TFAP2D: variants seen among roughly 807,000 people sequenced by gnomAD.
The protein encoded by TFAP2D is transcription factor AP-2 delta.
Under a neutral mutation model 43.6 loss-of-function variants are expected in TFAP2D, and 9 were observed. The observed-to-expected ratio is 0.21, with a 90% CI of 0.12 to 0.36. The LOEUF (loss-of-function observed/expected upper bound fraction) is 0.36. Among genes scored for constraint, TFAP2D ranks in the 10% least tolerant of loss-of-function variants. TFAP2D has a pLI of 1.00. For synonymous variants in TFAP2D, 256 were observed against 224.9 expected (o/e 1.14, Z -1.24); for missense variants, 513 against 561.4 (o/e 0.91, Z 0.87).
intron 6 of TFAP2D, among the ~76,000 whole-genome samples, chr6:50,749,995 G>A (rs1769179238): frequency 6.6e-6 from 1 of 151,800 alleles, no homozygotes; most frequent in Non-Finnish European, 1.5e-5. Context: ...TTTGAACACT[G>A]GCATTAAACC....
At chr6:50,719,018 A>C in intron 2 of TFAP2D, 72 bp from the exon 3 acceptor site, 1 of 1,470,810 alleles carries the variant, frequency 6.8e-7, no homozygotes, top group Non-Finnish European at 9.4e-7. Context: ...GGCTAGTCTA[A>C]AAGACTTTAC....
intron 6 of TFAP2D, among the ~76,000 whole-genome samples, chr6:50,748,475 T>C (rs1769155905): frequency 6.6e-6 from 1 of 151,890 alleles, no homozygotes; most frequent in Admixed American, 6.6e-5. Flanking sequence ...ATATTTCTTT[T>C]TTACCTCCAT....
intron 5 of TFAP2D, among the ~76,000 whole-genome samples, chr6:50,729,767 C>T (rs954200782): frequency 4.6e-5 from 7 of 152,106 alleles, no homozygotes; most frequent in Admixed American, 2.6e-4. Flanking sequence ...TGTATTAATC[C>T]TAGTAGACCT....
intron 7 of TFAP2D, among the ~76,000 whole-genome samples, chr6:50,752,865 C>T (rs558750172): frequency 6.6e-6 from 1 of 151,910 alleles, no homozygotes; most frequent in South Asian, 2.1e-4. Context: ...TATATGTAAG[C>T]TGGGTTGTTT....
At chr6:50,725,281 T>C (rs2114034912) in intron 3 of TFAP2D, among the ~76,000 whole-genome samples, 1 of 152,352 alleles carries the variant, frequency 6.6e-6, no homozygotes, top group East Asian at 1.9e-4. Context: ...TCCCTTTTAA[T>C]GAAAGCCATG....
chr6:50,723,235 G>A (rs1485648753), intron 3 of TFAP2D, among the ~76,000 whole-genome samples: 1 of 152,196 alleles, frequency 6.6e-6, no homozygotes, highest in Non-Finnish European at 1.5e-5. Context: ...TGCTCAGTCT[G>A]CCCATAACAG....
At chr6:50,725,820 T>C (rs546855002) in intron 3 of TFAP2D, among the ~76,000 whole-genome samples, 1 of 152,282 alleles carries the variant, frequency 6.6e-6, no homozygotes, top group South Asian at 2.1e-4. Flanking sequence ...AGAAGAAAGA[T>C]ATCAGGTTCC....
intron 5 of TFAP2D, among the ~76,000 whole-genome samples, chr6:50,740,190 T>A (rs1769020544): frequency 6.6e-6 from 1 of 152,212 alleles, no homozygotes; most frequent in African/African-American, 2.4e-5. Context: ...CATAAATATA[T>A]GACTGGAGTT....
At chr6:50,745,072 C>T (rs1411495759) in intron 5 of TFAP2D, 35 bp from the exon 6 acceptor site, 2 of 1,610,656 alleles carry the variant, frequency 1.2e-6, no homozygotes, top group African/African-American at 2.7e-5. Context: ...AGGTTGGATA[C>T]TGGTGAGAAA....
chr6:50,760,414 C>T (rs1019570685), intron 7 of TFAP2D, among the ~76,000 whole-genome samples: 2 of 151,906 alleles, frequency 1.3e-5, no homozygotes, highest in African/African-American at 4.8e-5. Flanking sequence ...TGGGGTGGGA[C>T]ACATACATTA....
chr6:50,728,897 G>A lies in TFAP2D; in HGVS notation c.640G>A (p.Val214Ile). ...CAACCCCACAGACTTATTTTGCTCT[G>A]TCCCTGGCCGTTTGTCCCTTCTTAG... ...VVNPTDLFCS[V>I]PGRLSLLSST... The change falls in exon 4 of 8, where the codon GTC becomes ATC. Residue 214 changes from valine (V) to isoleucine (I), a missense_variant. Val to Ile is a conservative substitution (Grantham distance 29). Transcript: ENST00000008391. 1 of 1,613,958 alleles carries A rather than the reference G, an allele frequency of 6.2e-7. No homozygotes were observed. Among genetic ancestry groups the A allele is most frequent in the Non-Finnish European group, 8.5e-7 (1 of 1,179,914 alleles).
chr6:50,757,548 A>ATATATAATTATT (rs1769294989), intron 7 of TFAP2D, among the ~76,000 whole-genome samples: 1 of 81,808 alleles, frequency 1.2e-5, no homozygotes, highest in Non-Finnish European at 2.1e-5. Flanking sequence ...TATATAGAAT[A>ATATATAATTATT]CATATAATTA....
chr6:50,714,487 G>A (rs906089515), intron 1 of TFAP2D, among the ~76,000 whole-genome samples: 1 of 152,046 alleles, frequency 6.6e-6, no homozygotes, highest in Non-Finnish European at 1.5e-5. Flanking sequence ...CTTTTGGAAT[G>A]GGCTTATTCA....
intron 7 of TFAP2D, among the ~76,000 whole-genome samples, chr6:50,770,999 A>G (rs942499521): frequency 1.3e-5 from 2 of 152,232 alleles, no homozygotes; most frequent in East Asian, 1.9e-4. Context: ...GACAGTTAAC[A>G]TAAGTGAACA....
intron 3 of TFAP2D, among the ~76,000 whole-genome samples, chr6:50,725,455 A>G (rs1046077395): frequency 4.6e-5 from 7 of 152,226 alleles, no homozygotes; most frequent in Non-Finnish European, 1.0e-4. Flanking sequence ...TGAACTGTAT[A>G]TGGAAAAGGG....
At chr6:50,764,469 C>T (rs1277179218) in intron 7 of TFAP2D, among the ~76,000 whole-genome samples, 2 of 152,256 alleles carry the variant, frequency 1.3e-5, no homozygotes, top group Admixed American at 1.3e-4. Context: ...AACCAAGAAA[C>T]ATTTAGCTAT....
At chr6:50,721,782 C>T (rs1768728619) in intron 3 of TFAP2D, among the ~76,000 whole-genome samples, 2 of 152,200 alleles carry the variant, frequency 1.3e-5, no homozygotes, top group South Asian at 4.1e-4. Context: ...CACAATTTTT[C>T]ACCATTTTCT....
At chr6:50,743,923 T>A (rs1027378052) in intron 5 of TFAP2D, among the ~76,000 whole-genome samples, 4 of 152,192 alleles carry the variant, frequency 2.6e-5, no homozygotes, top group Admixed American at 1.3e-4. Flanking sequence ...ATGACTATCA[T>A]TTTCCTGGAG....
chr6:50,758,814 T>C (rs1769326115), intron 7 of TFAP2D, among the ~76,000 whole-genome samples: 1 of 152,042 alleles, frequency 6.6e-6, no homozygotes, highest in Non-Finnish European at 1.5e-5. Flanking sequence ...GAAATTTCAA[T>C]TAAATCTGTA....
Sources: gnomAD v4.1 joint callset for allele counts (sites outside exome capture counted in the v4.1 genomes callset) on GRCh38, gnomAD v4.1.1 for gene constraint, MANE v1.5 for transcripts, NCBI Gene and HGNC (gene_info 2026-07-23, HGNC 2026-07-21) for gene names.